CHML: variants seen among roughly 807,000 people sequenced by gnomAD.
CHML encodes rab proteins geranylgeranyltransferase component A 2.
A neutral mutation model predicts 30.4 loss-of-function variants in CHML; 20 were observed. The ratio of observed to expected loss-of-function variants is 0.66; its 90% CI spans 0.46 to 0.95. CHML has a LOEUF of 0.95. CHML is among the 40% of genes least tolerant of loss of function. CHML has a pLI of 0.00. For missense variants in CHML, 795 were observed against 768.5 expected (o/e 1.03, Z -0.41); for synonymous variants, 281 against 275.0 (o/e 1.02, Z -0.22).
Position 241,640,066 on chromosome 1 carries a change from G to C in CHML, c.-492C>G. On this transcript the variant is annotated 5_prime_UTR_variant, in exon 1 of 2. Transcript: ENST00000366553. Reference sequence around the variant, plus strand: ...GCCGCTGGAACTTGTAGTAGAGGACGAGCACCAGCAGGTTGTTGCCGACGC... The same window carrying C: ...GCCGCTGGAACTTGTAGTAGAGGACCAGCACCAGCAGGTTGTTGCCGACGC... 1.2e-6 allele frequency: 2 copies of C among 1,611,812 alleles called. No homozygotes were observed. The highest frequency in any genetic ancestry group is 1.7e-6 in the Non-Finnish European group (2 of 1,179,180).
chr1:241,638,359 A>G (rs1039350300), intron 1 of CHML, among the ~76,000 whole-genome samples: 5 of 152,192 alleles, frequency 3.3e-5, no homozygotes, highest in African/African-American at 4.8e-5. Flanking sequence ...GACAGCTAGC[A>G]CTTATAAAGA....
rs1664632922 is a variant in CHML at position 241,631,536 on chromosome 1, C to T, written c.*2260G>A. Reference sequence around the variant, plus strand: ...TTTTAAAAGTCAATACAATCCATGACTTTGCTACTTTAAGTAAGTTGTCAA... The same window carrying T: ...TTTTAAAAGTCAATACAATCCATGATTTTGCTACTTTAAGTAAGTTGTCAA... On this transcript the variant is annotated 3_prime_UTR_variant, in exon 2 of 2. Transcript: ENST00000366553. The T allele has an allele frequency of 6.6e-6, 1 of 151,890 alleles. No individual in the cohort carries two copies. The highest frequency in any genetic ancestry group is 2.4e-5 in the African/African-American group (1 of 41,282). The allele number at this position is 151,890 out of a possible 1,614,324, so 9.4% of individuals were successfully genotyped here. A position where few individuals can be genotyped will look rare whatever the true frequency, so the allele number is the denominator to read the frequency against.
rs1664634477 is a variant in CHML, at chr1:241,631,564, A to G, written c.*2232T>C. 1 of 152,164 alleles carries G rather than the reference A, an allele frequency of 6.6e-6. No homozygotes were observed. Among genetic ancestry groups the G allele is most frequent in the Non-Finnish European group, 1.5e-5 (1 of 68,008 alleles). The allele number at this position is 152,164 out of a possible 1,614,324, so 9.4% of individuals were successfully genotyped here. On this transcript the variant is annotated 3_prime_UTR_variant, in exon 2 of 2. Transcript: ENST00000366553. ...TGCTACTTTAAGTAAGTTGTCAATT[A>G]CTTAAATCTGTCTAGTCTCATTTTC...
chr1:241,639,744 G>T, intron 1 of CHML, 138 bp downstream of exon 1: 2 of 859,406 alleles, frequency 2.3e-6, no homozygotes, highest in Non-Finnish European at 3.3e-6. Context: ...GCGGGGAGCG[G>T]GGCGGTGTAG....
At position 241,633,482 on chromosome 1, in the gene CHML, T is replaced by C. The variant is rs1253756944; in HGVS notation, c.*314A>G. 3 of 251,840 alleles carry C rather than the reference T, an allele frequency of 1.2e-5. No homozygotes were observed. Among genetic ancestry groups the C allele is most frequent in the African/African-American group, 6.9e-5 (3 of 43,744 alleles). The allele number at this position is 251,840 out of a possible 1,614,324, so 15.6% of individuals were successfully genotyped here. The stretch of plus-strand genomic sequence containing the variant: ...ATAAAATCTGAAGATCATTAGCAAA[T>C]ACATTACCTTTAAGCTGAGTTGCTA... On this transcript the variant is annotated 3_prime_UTR_variant, in exon 2 of 2. Transcript: ENST00000366553.
At position 241,629,349 on chromosome 1, in the gene CHML, G is replaced by A. The variant is rs979256551; in HGVS notation, c.*4447C>T. On this transcript the variant is annotated 3_prime_UTR_variant, in exon 2 of 2. Coordinates refer to ENST00000366553, the MANE Select transcript of CHML (RefSeq NM_001381853.1). Reference sequence around the variant, plus strand: ...TAATACACAATGCTGCTGCTATAAGGACACATGCAATTAAAACAGTTTTGC... The same window carrying A: ...TAATACACAATGCTGCTGCTATAAGAACACATGCAATTAAAACAGTTTTGC... The A allele has an allele frequency of 2.0e-5, 3 of 152,062 alleles. No individual in the cohort carries two copies. Among genetic ancestry groups the A allele is most frequent in the Non-Finnish European group, 2.9e-5 (2 of 67,952 alleles). 9.4% of individuals were successfully genotyped at this position (152,062 alleles called of 1,614,324 possible).
rs776082599 is a variant in CHML at position 241,634,000 on chromosome 1, A to G, written c.1767T>C (p.Ala589=). The change falls in exon 2 of 2, where the codon GCT becomes GCC. Residue 589 remains alanine (A), a synonymous_variant. Coordinates refer to ENST00000366553, the MANE Select transcript of CHML (RefSeq NM_001381853.1). ...GPDCGLGNEH[A]VKQAETLFQE... is the part of the protein sequence containing the mutation. The stretch of plus-strand genomic sequence containing the variant: ...GGAAAAGTGTTTCAGCTTGCTTGAC[A>G]GCATGCTCATTTCCCAGGCCACAGT... 1 of 1,613,974 alleles carries G rather than the reference A, an allele frequency of 6.2e-7. No individual in the cohort carries two copies.
At position 241,640,023 on chromosome 1, in the gene CHML, G is replaced by T; in HGVS notation, c.-449C>A. ...CTGAGGCTGATGTTGACCAGGAGGA[G>T]GTGAGTGGGAGTGCGGAGCCGCTGG... On this transcript the variant is annotated 5_prime_UTR_variant, in exon 1 of 2. Coordinates refer to ENST00000366553, the MANE Select transcript of CHML (RefSeq NM_001381853.1). 6.2e-7 allele frequency: 1 copy of T among 1,613,558 alleles called. No individual in the cohort carries two copies. Among genetic ancestry groups the T allele is most frequent in the Non-Finnish European group, 8.5e-7 (1 of 1,179,770 alleles).
chr1:241,635,722 C>T lies in CHML; in HGVS notation c.45G>A (p.Gly15=). The change falls in exon 2 of 2, where the codon GGG becomes GGA. Residue 15 remains glycine (G), a synonymous_variant. Coordinates refer to ENST00000366553, the MANE Select transcript of CHML (RefSeq NM_001381853.1). ...CAAGGATGGATTCGGGCAAACCTGT[C>T]CCTATTATAACCACATCAAACTCTG... ...LPTEFDVVII[G]TGLPESILAA... is the part of the protein sequence containing the mutation. 1.2e-6 allele frequency: 2 copies of T among 1,613,918 alleles called. No homozygotes were observed. Among genetic ancestry groups the T allele is most frequent in the Non-Finnish European group, 1.7e-6 (2 of 1,179,876 alleles).
chr1:241,635,937 G>A lies in CHML; in HGVS notation c.-171C>T. Reference sequence around the variant, plus strand: ...AAAATATTTTTTTTCTTATAAGTCAGTAGCATAAAAACATGAGCAAGTACA... The same window carrying A: ...AAAATATTTTTTTTCTTATAAGTCAATAGCATAAAAACATGAGCAAGTACA... On this transcript the variant is annotated 5_prime_UTR_variant, in exon 2 of 2. Transcript: ENST00000366553. 1.6e-6 allele frequency: 1 copy of A among 618,158 alleles called. No homozygotes were observed. Among genetic ancestry groups the A allele is most frequent in the Non-Finnish European group, 2.8e-6 (1 of 356,426 alleles). 38.3% of individuals were successfully genotyped at this position (618,158 alleles called of 1,614,324 possible).
chr1:241,633,767 C>T lies in CHML; in HGVS notation c.*29G>A. The T allele has an allele frequency of 6.2e-7, 1 of 1,610,294 alleles. No individual in the cohort carries two copies. Among genetic ancestry groups the T allele is most frequent in the Non-Finnish European group, 8.5e-7 (1 of 1,178,628 alleles). ...AAAATTCTGATGCCATGAAGGAGGT[C>T]CAAAACAGCATTTCGAGATTGCTCT... is the stretch of plus-strand genomic sequence containing the variant. On this transcript the variant is annotated 3_prime_UTR_variant, in exon 2 of 2. Transcript: ENST00000366553.
rs1258345888 is a variant in CHML, at chr1:241,635,027, AG to A, written c.739del (p.Leu247PhefsTer2). ...LLYSQGLLID[L>X]LIKSDVSRYV... is the part of the protein sequence containing the mutation. ...ACGACTAACATCTGATTTGATTAAA[AG>A]ATCAATTAGCAATCCTTGAGAATAC... On this transcript the variant is annotated frameshift_variant, in exon 2 of 2. Transcript: ENST00000366553. LOFTEE classifies it high-confidence loss of function. 6.2e-7 allele frequency: 1 copy of A among 1,613,392 alleles called. No homozygotes were observed. Among genetic ancestry groups the A allele is most frequent in the Non-Finnish European group, 8.5e-7 (1 of 1,179,828 alleles).
At position 241,640,303 on chromosome 1, in the gene CHML, G is replaced by T; in HGVS notation, c.-729C>A. ...GGGCGGAGGCGCTCAGCTTGCGGCG[G>T]GGCTCGCGGCGCGCTCCGCACTGGG... On this transcript the variant is annotated 5_prime_UTR_variant, in exon 1 of 2. Coordinates refer to ENST00000366553, the MANE Select transcript of CHML (RefSeq NM_001381853.1). 1.3e-5 allele frequency: 14 copies of T among 1,114,886 alleles called. No homozygotes were observed. The highest frequency in any genetic ancestry group is 1.5e-5 in the Non-Finnish European group (14 of 916,922). 69.1% of individuals were successfully genotyped at this position (1,114,886 alleles called of 1,614,324 possible).
At position 241,634,209 on chromosome 1, in the gene CHML, C is replaced by T. The variant is rs1664774087; in HGVS notation, c.1558G>A (p.Glu520Lys). The change falls in exon 2 of 2, where the codon GAA becomes AAA. Residue 520 changes from glutamate to lysine, a missense_variant. Glu to Lys is a moderately conservative substitution (Grantham distance 56). Transcript: ENST00000366553. ...TTCTTCACCACTGATTCTAAGTCTT[C>T]TCTTGCTGTTTTAGAAGATGAACAT... is the stretch of plus-strand genomic sequence containing the variant. The part of the protein sequence containing the change: ...LTCSSSKTAR[E>K]DLESVVKKLF... 5 of 1,613,994 alleles carry T rather than the reference C, an allele frequency of 3.1e-6. No individual in the cohort carries two copies. In the East Asian group the frequency reaches 8.9e-5, roughly 29 times the overall value.
rs1664689166 is a variant in CHML, at chr1:241,632,629, A to G, written c.*1167T>C. 6.6e-6 allele frequency: 1 copy of G among 152,192 alleles called. No individual in the cohort carries two copies. The allele number at this position is 152,192 out of a possible 1,614,324, so 9.4% of individuals were successfully genotyped here. Reference sequence around the variant, plus strand: ...GAAAAAAAGTTTCTATACTCTGGATAACAGCTAAGAGGCAAGAGAGATTAC... The same window carrying G: ...GAAAAAAAGTTTCTATACTCTGGATGACAGCTAAGAGGCAAGAGAGATTAC... On this transcript the variant is annotated 3_prime_UTR_variant, in exon 2 of 2. Coordinates refer to ENST00000366553, the MANE Select transcript of CHML (RefSeq NM_001381853.1).
intron 1 of CHML, 116 bp from the exon 2 acceptor site, chr1:241,636,189 C>T (rs1372554834): frequency 1.5e-5 from 6 of 400,086 alleles, no homozygotes; most frequent in Non-Finnish European, 2.6e-5. Flanking sequence ...TAAACCTCTA[C>T]TAAAGCATGT....
rs137989013 is a variant in CHML at position 241,640,068 on chromosome 1, G to T, written c.-494C>A. ...CGCTGGAACTTGTAGTAGAGGACGA[G>T]CACCAGCAGGTTGTTGCCGACGCCC... On this transcript the variant is annotated 5_prime_UTR_variant, in exon 1 of 2. Coordinates refer to ENST00000366553, the MANE Select transcript of CHML (RefSeq NM_001381853.1). 2 of 1,611,384 alleles carry T rather than the reference G, an allele frequency of 1.2e-6. No homozygotes were observed. The highest frequency in any genetic ancestry group is 2.7e-5 in the African/African-American group (2 of 74,522).
chr1:241,640,336 G>C lies in CHML; in HGVS notation c.-762C>G. Reference sequence around the variant, plus strand: ...GGCGCGCTCCGCACTGGGTGGGGTTGGGGCTCCGCCGCCTGCTCTAGCCAT... The same window carrying C: ...GGCGCGCTCCGCACTGGGTGGGGTTCGGGCTCCGCCGCCTGCTCTAGCCAT... On this transcript the variant is annotated 5_prime_UTR_variant, in exon 1 of 2. Transcript: ENST00000366553. 1 of 1,069,562 alleles carries C rather than the reference G, an allele frequency of 9.3e-7. No individual in the cohort carries two copies. Among genetic ancestry groups the C allele is most frequent in the East Asian group, 7.4e-5 (1 of 13,554 alleles). 66.3% of individuals were successfully genotyped at this position (1,069,562 alleles called of 1,614,324 possible).
chr1:241,636,154 T>C (rs1195089367), intron 1 of CHML, 81 bp from the exon 2 acceptor site: 1 of 411,134 alleles, frequency 2.4e-6, no homozygotes, highest in African/African-American at 2.1e-5. Context: ...GACAATCCAT[T>C]GGAGTGTGAC....
Sources: gnomAD v4.1 joint callset for allele counts (sites outside exome capture counted in the v4.1 genomes callset) on GRCh38, gnomAD v4.1.1 for gene constraint, MANE v1.5 for transcripts, NCBI Gene and HGNC (gene_info 2026-07-23, HGNC 2026-07-21) for gene names.